The following SLC4A8 variants were observed in gnomAD, a reference collection of about 807,000 sequenced individuals.
SLC4A8 encodes solute carrier family 4 member 8, also known as electroneutral sodium bicarbonate exchanger 1.
Under a neutral mutation model 125.0 loss-of-function variants are expected in SLC4A8, and 40 were observed. That is an observed-to-expected ratio of 0.32 (90% confidence interval 0.25 to 0.42). The LOEUF is 0.42. Ranked by LOEUF, SLC4A8 falls within the 10% of genes least tolerant of loss-of-function variation. The pLI, the probability that SLC4A8 is intolerant of heterozygous loss-of-function variation, is 1.00. For synonymous variants in SLC4A8, 456 were observed against 476.0 expected, an observed-to-expected ratio of 0.96 and a Z score of 0.55; for missense variants, 863 against 1,355.1, an observed-to-expected ratio of 0.64 and a Z score of 5.70.
rs1938394515 is a variant in SLC4A8, at chr12:51,512,322, A to G, written c.*4884A>G. 1 of 152,154 alleles carries G rather than the reference A, an allele frequency of 6.6e-6. No individual in the cohort carries two copies. The highest frequency in any genetic ancestry group is 2.4e-5 in the African/African-American group (1 of 41,422). 9.4% of individuals were successfully genotyped at this position (152,154 alleles called of 1,614,324 possible). On this transcript the variant is annotated 3_prime_UTR_variant, in exon 25 of 25. Transcript: ENST00000453097. ...CTTTCCCCAAAGGATATGGAGACTG[A>G]TGTGTGCTCCATATCTTGAGGGGAG...
intron 22 of SLC4A8, among the ~76,000 whole-genome samples, chr12:51,498,329 G>C (rs1325605336): frequency 6.6e-6 from 1 of 151,746 alleles, no homozygotes; most frequent in East Asian, 1.9e-4. Context: ...AATGAGCAAT[G>C]GACATATATA....
chr12:51,425,214 T>C, intron 1 of SLC4A8, 179 bp downstream of exon 1: 1 of 1,399,756 alleles, frequency 7.1e-7, no homozygotes, highest in Non-Finnish European at 9.3e-7. Flanking sequence ...AGGCCAGGGC[T>C]GCGAGAGAGT....
intron 1 of SLC4A8, among the ~76,000 whole-genome samples, chr12:51,409,560 A>G (rs775901969): frequency 2.0e-5 from 3 of 152,098 alleles, no homozygotes; most frequent in African/African-American, 7.2e-5. Context: ...TTTTAAAGAG[A>G]TGGGGTCTTG....
At chr12:51,402,649 G>C (rs928653398) in intron 1 of SLC4A8, among the ~76,000 whole-genome samples, 7 of 152,278 alleles carry the variant, frequency 4.6e-5, no homozygotes, top group Non-Finnish European at 1.0e-4. Context: ...TTGAACCTGG[G>C]AGGTGGAGGT....
intron 18 of SLC4A8, among the ~76,000 whole-genome samples, 159 bp from the exon 19 acceptor site, chr12:51,489,541 C>G (rs1428123829): frequency 6.6e-6 from 1 of 152,172 alleles, no homozygotes; most frequent in South Asian, 2.1e-4. Context: ...TTGTTTCCTC[C>G]TAACCAGGAG....
intron 16 of SLC4A8, among the ~76,000 whole-genome samples, chr12:51,478,144 G>A (rs948081862): frequency 2.5e-4 from 38 of 151,972 alleles, no homozygotes; most frequent in Admixed American, 4.6e-4. Flanking sequence ...GCATGGTGGC[G>A]GGCGCCTCTA....
intron 5 of SLC4A8, among the ~76,000 whole-genome samples, chr12:51,455,362 A>T (rs1051236751): frequency 6.6e-6 from 1 of 152,126 alleles, no homozygotes; most frequent in Non-Finnish European, 1.5e-5. Flanking sequence ...AATAACAATT[A>T]AAAAAAGTGC....
chr12:51,484,145 T>G (rs182959634), intron 16 of SLC4A8, among the ~76,000 whole-genome samples: 1 of 152,308 alleles, frequency 6.6e-6, no homozygotes, highest in Admixed American at 6.5e-5. Context: ...AGATATTTAG[T>G]GTACACCCAT....
At chr12:51,483,361 A>AG (rs1951077636) in intron 16 of SLC4A8, among the ~76,000 whole-genome samples, 1 of 151,452 alleles carries the variant, frequency 6.6e-6, no homozygotes, top group African/African-American at 2.4e-5. Flanking sequence ...ACACAAAAAA[A>AG]AAAAAGAAAG....
intron 16 of SLC4A8, among the ~76,000 whole-genome samples, chr12:51,478,117 T>C (rs1337990746): frequency 6.6e-6 from 1 of 151,712 alleles, no homozygotes; most frequent in Non-Finnish European, 1.5e-5. Context: ...CTACTAAAAA[T>C]ACAAAAAATT....
At chr12:51,484,937 G>A (rs992228035) in intron 16 of SLC4A8, among the ~76,000 whole-genome samples, 1 of 152,154 alleles carries the variant, frequency 6.6e-6, no homozygotes, top group African/African-American at 2.4e-5. Flanking sequence ...AGACGTGAGG[G>A]AGCTGCCCAA....
intron 1 of SLC4A8, chr12:51,391,824 G>C (rs1041263467): frequency 2.0e-5 from 3 of 152,418 alleles, no homozygotes; most frequent in Admixed American, 6.5e-5. Context: ...GCTTCTCTGC[G>C]TCTCAGCCCG....
At chr12:51,435,419 T>C (rs1949372081) in intron 1 of SLC4A8, among the ~76,000 whole-genome samples, 1 of 152,194 alleles carries the variant, frequency 6.6e-6, no homozygotes, top group Admixed American at 6.5e-5. Context: ...TGAGTTGGTT[T>C]ATTAGTGTTA....
At position 51,478,072 on chromosome 12, in the gene SLC4A8, G is replaced by A. The variant is rs147376812; in HGVS notation, c.2172+2866G>A. On this transcript the variant is annotated intron_variant, in intron 16 of 24. Coordinates refer to ENST00000453097, the MANE Select transcript of SLC4A8 (RefSeq NM_001039960.3). The stretch of plus-strand genomic sequence containing the variant: ...GGGCAGATCACGAGGTCAGGAGATC[G>A]AGACCATCCTGGCTAACATGGTGAA... Among the ~76,000 whole-genome samples the A allele has an allele frequency of 2.3e-3, 347 of 152,210 alleles. 3 individuals are homozygous for A. The highest frequency in any genetic ancestry group is 4.1e-3 in the Non-Finnish European group (277 of 67,990).
chr12:51,400,244 C>T (rs1213688461), intron 1 of SLC4A8, among the ~76,000 whole-genome samples: 1 of 152,158 alleles, frequency 6.6e-6, no homozygotes, highest in South Asian at 2.1e-4. Flanking sequence ...TTTTCTTTCT[C>T]CATGAATGGA....
rs771628144 is a variant in SLC4A8, at chr12:51,471,477, G to T, written c.1849G>T (p.Ala617Ser). Residue 617 changes from alanine (A) to serine (S), a missense_variant, in exon 14 of 25, where the codon GCA becomes TCA. Ala to Ser is a moderately conservative substitution (Grantham distance 99, BLOSUM62 1). This residue lies in a region of SLC4A8 where 76 missense variants were observed against 80.2 expected (regional missense o/e 0.95). Coordinates refer to ENST00000453097, the MANE Select transcript of SLC4A8 (RefSeq NM_001039960.3). ...AGCAATAGAAAAACTGATTCACCTG[G>T]CAGAGACCTACCCCATCCACATGCA... Reference protein sequence around the residue: ...YEAIEKLIHLAETYPIHMHSQ... With the variant: ...YEAIEKLIHLSETYPIHMHSQ... 3.1e-6 allele frequency: 5 copies of T among 1,614,006 alleles called. No individual in the cohort carries two copies. The highest frequency in any genetic ancestry group is 2.7e-5 in the African/African-American group (2 of 74,884).
At chr12:51,448,215 G>A (rs1949845840) in intron 2 of SLC4A8, among the ~76,000 whole-genome samples, 1 of 152,152 alleles carries the variant, frequency 6.6e-6, no homozygotes, top group African/African-American at 2.4e-5. Flanking sequence ...TTGTTTGCAG[G>A]GTTAATTTAA....
rs1938487833 is a variant in SLC4A8 at position 51,515,152 on chromosome 12, G to A, written c.*7714G>A. The A allele has an allele frequency of 6.6e-6, 1 of 152,220 alleles. No individual in the cohort carries two copies. Among genetic ancestry groups the A allele is most frequent in the Admixed American group, 6.5e-5 (1 of 15,274 alleles). The allele number at this position is 152,220 out of a possible 1,614,324, so 9.4% of individuals were successfully genotyped here. A position where few individuals can be genotyped will look rare whatever the true frequency, so the allele number is the denominator to read the frequency against. ...GGCTTCGCTTAGCAGGTTTGCAATT[G>A]ACTTCAACATGCAGGCTTTTCACAT... On this transcript the variant is annotated 3_prime_UTR_variant, in exon 25 of 25. Transcript: ENST00000453097.
chr12:51,464,529 G>A lies in SLC4A8; in HGVS notation c.1349+815G>A, dbSNP rs1449743403. On this transcript the variant is annotated intron_variant, in intron 11 of 24. Coordinates refer to ENST00000453097, the MANE Select transcript of SLC4A8 (RefSeq NM_001039960.3). ...GAGGTTTTATTCCCTAGGTCAGAAG[G>A]TGGTAAACGAGAATGATATTTTGGG... Among the ~76,000 whole-genome samples the A allele has an allele frequency of 2.6e-5, 4 of 152,166 alleles. No homozygotes were observed. The East Asian group carries it at 5.8e-4, about 22-fold the overall frequency.
Sources: gnomAD v4.1 joint callset for allele counts (sites outside exome capture counted in the v4.1 genomes callset) on GRCh38, gnomAD v4.1.1 for gene constraint, gnomAD v4.1.1 regional missense constraint, MANE v1.5 for transcripts, NCBI Gene and HGNC (gene_info 2026-07-23, HGNC 2026-07-21) for gene names.